Variants in FRMD4B observed in about 807,000 individuals in gnomAD.
FRMD4B encodes FERM domain containing 4B.
In FRMD4B, 74 loss-of-function variants were observed where a neutral mutation model predicts 141.5. The ratio of observed to expected loss-of-function variants is 0.52; its 90% confidence interval spans 0.43 to 0.63. The LOEUF is 0.63. Among genes scored for constraint, FRMD4B ranks in the 30% least tolerant of loss-of-function variants. The pLI is 0.00. For synonymous variants in FRMD4B, 506 were observed against 467.9 expected (o/e 1.08, Z -1.05); for missense variants, 1,366 against 1,253.4 (o/e 1.09, Z -1.36).
At position 69,414,777 on chromosome 3, in the gene FRMD4B, G is replaced by T. The variant is rs147245122; in HGVS notation, c.-1+17857C>A. Among the ~76,000 whole-genome samples, 38 of 151,970 alleles carry T rather than the reference G, an allele frequency of 2.5e-4. No individual in the cohort carries two copies. In the East Asian group the frequency reaches 7.4e-3, roughly 29 times the overall value. ...GGCGTACCCAGAAGTGCAGGTAGCT[G>T]TGTTGTCCTCCAGGGACTCCCATGA... On this transcript the variant is annotated intron_variant, in intron 2 of 5. Coordinates refer to the FRMD4B transcript ENST00000459638.
intron 2 of FRMD4B, among the ~76,000 whole-genome samples, chr3:69,410,734 T>TATAC (rs1704744724): frequency 9.4e-5 from 1 of 10,596 alleles, no homozygotes; most frequent in African/African-American, 5.2e-4. Context: ...TAAATATATA[T>TATAC]ATATATATAT....
At chr3:69,356,950 A>G (rs1473517684) in intron 1 of FRMD4B, among the ~76,000 whole-genome samples, 2 of 152,196 alleles carry the variant, frequency 1.3e-5, no homozygotes, top group Non-Finnish European at 2.9e-5. Context: ...TCTGATTTTT[A>G]AACAAAACTT....
intron 2 of FRMD4B, among the ~76,000 whole-genome samples, chr3:69,406,508 T>C (rs924657967): frequency 1.3e-5 from 2 of 152,204 alleles, no homozygotes; most frequent in Admixed American, 1.3e-4. Flanking sequence ...TTGTAAAATA[T>C]TCACTTTCCT....
intron 1 of FRMD4B, among the ~76,000 whole-genome samples, chr3:69,382,126 A>G (rs1286447331): frequency 1.3e-5 from 2 of 152,062 alleles, no homozygotes; most frequent in Non-Finnish European, 2.9e-5. Context: ...TGCAAACTCC[A>G]TCTCCCAGGT....
Position 69,530,074 on chromosome 3 carries a change from C to T in FRMD4B, c.-129+12132G>A, listed in dbSNP as rs140170080. Among the ~76,000 whole-genome samples, 1,496 of 152,270 alleles carry T rather than the reference C, an allele frequency of 9.8e-3. 29 individuals carry two copies. The highest frequency in any genetic ancestry group is 0.034 in the African/African-American group (1,432 of 41,560). ...GCTTGGTTTGTAATAAAAAGTAAACCGGAATACAGCCACACCCATTAATTT... is the reference window on the plus strand; with the variant it reads ...GCTTGGTTTGTAATAAAAAGTAAACTGGAATACAGCCACACCCATTAATTT... On this transcript the variant is annotated intron_variant, in intron 1 of 5. Coordinates refer to the FRMD4B transcript ENST00000459638.
chr3:69,265,733 C>T (rs2093558422), intron 5 of FRMD4B, among the ~76,000 whole-genome samples: 1 of 151,980 alleles, frequency 6.6e-6, no homozygotes, highest in African/African-American at 2.4e-5. Flanking sequence ...AGGCGTGAGC[C>T]ACAGCGCCTG....
At chr3:69,346,279 G>GA (rs1262276585) in intron 1 of FRMD4B, among the ~76,000 whole-genome samples, 2 of 152,000 alleles carry the variant, frequency 1.3e-5, no homozygotes, top group Admixed American at 6.6e-5. Flanking sequence ...GAAGTTTAGA[G>GA]AAAAAAGAGT....
chr3:69,323,623 T>C (rs1356781033), intron 1 of FRMD4B, among the ~76,000 whole-genome samples: 1 of 39,784 alleles, frequency 2.5e-5, no homozygotes, highest in Admixed American at 3.3e-4. Flanking sequence ...TATATATATA[T>C]ATATATATAT....
intron 5 of FRMD4B, among the ~76,000 whole-genome samples, chr3:69,257,356 A>G (rs568274297): frequency 6.6e-6 from 1 of 152,262 alleles, no homozygotes; most frequent in African/African-American, 2.4e-5. Context: ...ATGATATCCC[A>G]TTGGGAGGAC....
At chr3:69,528,171 A>G (rs1418970590) in intron 1 of FRMD4B, among the ~76,000 whole-genome samples, 1 of 152,112 alleles carries the variant, frequency 6.6e-6, no homozygotes, top group African/African-American at 2.4e-5. Context: ...TGTGATTTTT[A>G]AAAAAGGGCA....
chr3:69,351,768 G>A (rs919897632), intron 1 of FRMD4B, among the ~76,000 whole-genome samples: 2 of 152,202 alleles, frequency 1.3e-5, no homozygotes, highest in African/African-American at 4.8e-5. Flanking sequence ...TAACGGGATA[G>A]GAAGTCTTAG....
intron 2 of FRMD4B, among the ~76,000 whole-genome samples, chr3:69,394,474 A>G (rs1372212592): frequency 1.3e-5 from 2 of 152,260 alleles, no homozygotes; most frequent in Non-Finnish European, 2.9e-5. Context: ...GGTTTACCCA[A>G]TTTAATTAAG....
intron 2 of FRMD4B, among the ~76,000 whole-genome samples, chr3:69,410,315 C>T (rs1446628708): frequency 6.6e-6 from 1 of 152,032 alleles, no homozygotes; most frequent in African/African-American, 2.4e-5. Flanking sequence ...ACTCCTGTGC[C>T]TAAGAGTGAG....
intron 5 of FRMD4B, among the ~76,000 whole-genome samples, chr3:69,282,522 T>C (rs2093649111): frequency 6.6e-6 from 1 of 152,220 alleles, no homozygotes; most frequent in South Asian, 2.1e-4. Context: ...CTGATATTCC[T>C]TATGTGGAAT....
At chr3:69,200,942 C>G (rs1318138619) in intron 11 of FRMD4B, 5 of 440,858 alleles carry the variant, frequency 1.1e-5, no homozygotes, top group African/African-American at 4.0e-5. Flanking sequence ...ACCACCTCCC[C>G]CTCTTATCAC....
At chr3:69,472,279 T>C (rs902091368) in intron 1 of FRMD4B, 5 of 399,044 alleles carry the variant, frequency 1.3e-5, no homozygotes, top group Non-Finnish European at 2.5e-5. Context: ...CTGTTGTTTA[T>C]GTCTGATGAC....
At chr3:69,177,703 A>T (rs2092662572) in intron 21 of FRMD4B, among the ~76,000 whole-genome samples, 1 of 152,178 alleles carries the variant, frequency 6.6e-6, no homozygotes, top group Admixed American at 6.5e-5. Flanking sequence ...CTGAAAAGAC[A>T]AGCAAGAAAA....
intron 1 of FRMD4B, among the ~76,000 whole-genome samples, chr3:69,350,259 CA>C (rs1455221323): frequency 6.6e-6 from 1 of 152,164 alleles, no homozygotes; most frequent in Non-Finnish European, 1.5e-5. Context: ...AAATGCAAAT[CA>C]AAATCACAAT....
At chr3:69,427,641 A>ATTTTTTTTTTTTTT (rs1285387505) in intron 2 of FRMD4B, among the ~76,000 whole-genome samples, 4 of 74,548 alleles carry the variant, frequency 5.4e-5, no homozygotes, top group Admixed American at 1.2e-4. Context: ...AGCTAGGTAA[A>ATTTTTTTTTTTTTT]TGTTTTTTTT....
Sources: allele counts gnomAD v4.1 joint callset (sites outside exome capture counted in the v4.1 genomes callset), GRCh38; gene constraint gnomAD v4.1.1; transcripts MANE v1.5; gene names NCBI Gene and HGNC (gene_info 2026-07-23, HGNC 2026-07-21).